Variants in EYA1 observed in about 807,000 individuals in gnomAD.
EYA1 encodes the protein protein phosphatase EYA1.
A neutral mutation model predicts 82.0 loss-of-function variants in EYA1; 16 were observed. That is an observed-to-expected ratio of 0.20 (90% CI 0.13 to 0.30). EYA1 has a LOEUF of 0.30. Among genes scored for constraint, EYA1 ranks in the 10% least tolerant of loss-of-function variants. EYA1 has a pLI of 1.00. For missense variants in EYA1, 633 were observed against 730.7 expected, an observed-to-expected ratio of 0.87 and a Z score of 1.54; for synonymous variants, 261 against 264.4, an observed-to-expected ratio of 0.99 and a Z score of 0.12.
intron 2 of EYA1, among the ~76,000 whole-genome samples, chr8:71,474,090 C>G (rs1809457866): frequency 6.6e-6 from 1 of 151,542 alleles, no homozygotes; most frequent in Non-Finnish European, 1.5e-5. Context: ...GGAGAAATAC[C>G]TAATGTAGAT....
At chr8:71,537,738 A>T (rs775630923) in intron 1 of EYA1, among the ~76,000 whole-genome samples, 1 of 152,164 alleles carries the variant, frequency 6.6e-6, no homozygotes, top group South Asian at 2.1e-4. Flanking sequence ...AAATCTGTAT[A>T]TTTGATATTC....
chr8:71,328,455 T>C (rs1286615510), intron 4 of EYA1, among the ~76,000 whole-genome samples: 1 of 152,156 alleles, frequency 6.6e-6, no homozygotes, highest in Non-Finnish European at 1.5e-5. Context: ...AATCAAACTA[T>C]GGAAAACAAG....
At chr8:71,493,055 G>C (rs1315024767) in intron 2 of EYA1, among the ~76,000 whole-genome samples, 1 of 152,130 alleles carries the variant, frequency 6.6e-6, no homozygotes, top group Non-Finnish European at 1.5e-5. Context: ...AAGGATAATG[G>C]CCTCCAGCCC....
At chr8:71,454,813 A>G (rs1807736722) in intron 2 of EYA1, among the ~76,000 whole-genome samples, 1 of 152,238 alleles carries the variant, frequency 6.6e-6, no homozygotes, top group Non-Finnish European at 1.5e-5. Context: ...CACAAAAGAA[A>G]GCAGGAGAGA....
intron 2 of EYA1, among the ~76,000 whole-genome samples, chr8:71,489,617 A>G (rs1158517454): frequency 6.6e-6 from 1 of 152,198 alleles, no homozygotes; most frequent in African/African-American, 2.4e-5. Context: ...GAGGCCTAAC[A>G]AGTACCATTT....
chr8:71,396,031 T>C (rs1303507527), intron 2 of EYA1, among the ~76,000 whole-genome samples: 3 of 152,202 alleles, frequency 2.0e-5, no homozygotes, highest in African/African-American at 7.2e-5. Flanking sequence ...AGGGTGTATG[T>C]GTCGAGGAAT....
intron 1 of EYA1, among the ~76,000 whole-genome samples, chr8:71,543,749 C>T (rs1185116123): frequency 1.3e-5 from 2 of 152,058 alleles, no homozygotes; most frequent in Non-Finnish European, 2.9e-5. Flanking sequence ...CATATCCTTG[C>T]TTTAAGAGAT....
chr8:71,219,264 C>T (rs981043495), intron 12 of EYA1, among the ~76,000 whole-genome samples: 4 of 152,178 alleles, frequency 2.6e-5, no homozygotes, highest in African/African-American at 4.8e-5. Context: ...AAGCTTTTAC[C>T]TGCAGATAGC....
chr8:71,207,540 C>T (rs1045911566), intron 17 of EYA1, among the ~76,000 whole-genome samples: 2 of 152,064 alleles, frequency 1.3e-5, no homozygotes, highest in African/African-American at 2.4e-5. Flanking sequence ...ACTCTTGTCA[C>T]GTACAGTCAT....
At chr8:71,407,945 G>A (rs1830356866) in intron 2 of EYA1, among the ~76,000 whole-genome samples, 1 of 150,802 alleles carries the variant, frequency 6.6e-6, no homozygotes, top group South Asian at 2.1e-4. Context: ...TTGAAATGAA[G>A]GAAAAAATGT....
At chr8:71,283,711 C>G (rs1290246161) in intron 9 of EYA1, among the ~76,000 whole-genome samples, 4 of 152,106 alleles carry the variant, frequency 2.6e-5, no homozygotes, top group Non-Finnish European at 5.9e-5. Context: ...CAGGAGAACT[C>G]AAACACACTT....
chr8:71,337,481 C>T (rs961783450), intron 3 of EYA1, among the ~76,000 whole-genome samples: 5 of 152,148 alleles, frequency 3.3e-5, no homozygotes, highest in Non-Finnish European at 7.3e-5. Context: ...GCACTCCAGG[C>T]CTGAGCAATG....
intron 12 of EYA1, among the ~76,000 whole-genome samples, chr8:71,235,895 C>A (rs140409737): frequency 6.6e-6 from 1 of 152,160 alleles, no homozygotes; most frequent in Admixed American, 6.5e-5. Flanking sequence ...TTTAATATGT[C>A]ATAGACATTA....
At chr8:71,263,178 G>GA (rs144217636) in intron 11 of EYA1, among the ~76,000 whole-genome samples, 3,023 of 152,280 alleles carry the variant, frequency 0.02, 87 homozygotes, top group African/African-American at 0.065. Context: ...CAGGAAGGCT[G>GA]AATCGCCCAG....
chr8:71,215,556 A>G, intron 15 of EYA1, 48 bp from the exon 16 acceptor site: 6 of 1,612,200 alleles, frequency 3.7e-6, no homozygotes, highest in Non-Finnish European at 3.4e-6. Context: ...TAAATCTCCA[A>G]AATGAACAAG....
chr8:71,382,273 T>C (rs906935474), intron 2 of EYA1, among the ~76,000 whole-genome samples: 3 of 152,312 alleles, frequency 2.0e-5, no homozygotes, highest in Admixed American at 1.3e-4. Flanking sequence ...GTAGTACTTA[T>C]AGTGGTAACA....
chr8:71,311,958 T>G (rs901780607), intron 7 of EYA1, among the ~76,000 whole-genome samples: 1 of 152,182 alleles, frequency 6.6e-6, no homozygotes, highest in Non-Finnish European at 1.5e-5. Flanking sequence ...AAGTTGGAGC[T>G]GAAAGGGTGA....
intron 2 of EYA1, among the ~76,000 whole-genome samples, chr8:71,510,851 C>T (rs1812539091): frequency 6.6e-6 from 1 of 152,230 alleles, no homozygotes; most frequent in Admixed American, 6.5e-5. Flanking sequence ...AGGCTGAAGA[C>T]TCATGTGAGT....
intron 3 of EYA1, among the ~76,000 whole-genome samples, chr8:71,344,931 G>C (rs529187418): frequency 6.6e-6 from 1 of 152,094 alleles, no homozygotes. Flanking sequence ...ACTCACAGGA[G>C]CACCCAGACA....
Sources: gnomAD v4.1 joint callset for allele counts (sites outside exome capture counted in the v4.1 genomes callset) on GRCh38, gnomAD v4.1.1 for gene constraint, MANE v1.5 for transcripts, NCBI Gene and HGNC (gene_info 2026-07-23, HGNC 2026-07-21) for gene names.